Variants in PHF21A observed in about 807,000 individuals in gnomAD.
PHF21A encodes the protein BHC80a.
PHF21A carries 11 observed loss-of-function variants against 82.5 expected under a neutral mutation model. The observed-to-expected ratio is 0.13, with a 90% CI of 0.08 to 0.22. The LOEUF is 0.22. PHF21A is among the 10% of genes least tolerant of loss of function. The probability of loss-of-function intolerance (pLI) is 1.00; values close to 1 mark genes in which losing one functional copy is unlikely to be tolerated. For missense variants in PHF21A, 579 were observed against 837.8 expected (o/e 0.69, Z 3.81); for synonymous variants, 297 against 302.8 (o/e 0.98, Z 0.20).
chr11:45,949,412 A>C lies in PHF21A; in HGVS notation c.1217T>G (p.Phe406Cys), dbSNP rs1353310771. ...GCTGGCCAGTAATACCTCTGGCTCA[A>C]AGACTGCTCCACTGTAGACCGGATT... ...TANPVYSGAV[F>C]EPERKKSAVT... Residue 406 changes from phenylalanine to cysteine, a missense_variant, in exon 13 of 19, where the codon TTT (phenylalanine) becomes TGT (cysteine). Transcript: ENST00000676320. The C allele has an allele frequency of 7.4e-6, 12 of 1,614,070 alleles. No individual in the cohort carries two copies. Among genetic ancestry groups the C allele is most frequent in the Non-Finnish European group, 1.0e-5 (12 of 1,179,888 alleles).
chr11:45,935,151 C>T (rs1464614110), intron 18 of PHF21A: 9 of 1,289,464 alleles, frequency 7.0e-6, no homozygotes, highest in Non-Finnish European at 9.1e-6. Context: ...AAGCCCGCTT[C>T]CTCACACTGG....
chr11:46,094,886 G>A (rs982643481), intron 1 of PHF21A, among the ~76,000 whole-genome samples: 8 of 152,080 alleles, frequency 5.3e-5, no homozygotes, highest in African/African-American at 1.9e-4. Flanking sequence ...GCGACAGAGT[G>A]AGTCTCCGTC....
chr11:45,938,048 A>T, intron 16 of PHF21A, 109 bp downstream of exon 16: 1 of 928,956 alleles, frequency 1.1e-6, no homozygotes, highest in Non-Finnish European at 1.6e-6. Context: ...CAGCCCGGAG[A>T]CGGACTGGGA....
In PHF21A at chr11:45,971,890, C is replaced by CTTTCTT. The variant is rs57081937; in HGVS notation, c.361-524_361-523insAAGAAA. Among the ~76,000 whole-genome samples the CTTTCTT allele has an allele frequency of 1.7e-3, 85 of 50,276 alleles. 12 individuals are homozygous for CTTTCTT. In the East Asian group the frequency reaches 0.046, roughly 27 times the overall value. 33.0% of individuals were successfully genotyped at this position (50,276 alleles called of 152,430 possible). ...GTAAAAGGACAGTGTCTTTTTCTTT[C>CTTTCTT]TTTTTTTTTTTTTTTATGGTGTCAC... On this transcript the variant is annotated intron_variant, in intron 7 of 18. Coordinates refer to ENST00000676320, the MANE Select transcript of PHF21A (RefSeq NM_001352027.3).
At chr11:46,078,250 A>G (rs369258051) in intron 5 of PHF21A, among the ~76,000 whole-genome samples, 142 of 152,308 alleles carry the variant, frequency 9.3e-4, no homozygotes, top group African/African-American at 2.8e-3. Context: ...ATTTGTAGAG[A>G]TAAGTGTTAT....
At chr11:46,075,486 T>G (rs2096714570) in intron 6 of PHF21A, among the ~76,000 whole-genome samples, 1 of 152,184 alleles carries the variant, frequency 6.6e-6, no homozygotes, top group Non-Finnish European at 1.5e-5. Flanking sequence ...CTAACACACA[T>G]CATGTTGACT....
At chr11:46,109,248 A>G (rs2097184577) in intron 1 of PHF21A, among the ~76,000 whole-genome samples, 1 of 152,212 alleles carries the variant, frequency 6.6e-6, no homozygotes, top group Non-Finnish European at 1.5e-5. Context: ...CATTTGTAAA[A>G]TGGAGGTAGG....
intron 6 of PHF21A, among the ~76,000 whole-genome samples, chr11:46,034,257 T>C (rs948715774): frequency 6.8e-6 from 1 of 147,616 alleles, no homozygotes; most frequent in Non-Finnish European, 1.5e-5. Flanking sequence ...GGGAGGCTCA[T>C]ACTTTTCTTA....
At chr11:45,953,927 T>A (rs1031535766) in intron 10 of PHF21A, among the ~76,000 whole-genome samples, 2 of 152,150 alleles carry the variant, frequency 1.3e-5, no homozygotes, top group African/African-American at 4.8e-5. Context: ...ACGGTACAGG[T>A]TGTCCTTTCT....
intron 18 of PHF21A, chr11:45,934,789 C>A (rs909716318): frequency 2.9e-6 from 1 of 348,702 alleles, no homozygotes; most frequent in Non-Finnish European, 5.7e-6. Context: ...TCTGCTCAGC[C>A]GGGGACTTAG....
intron 1 of PHF21A, among the ~76,000 whole-genome samples, chr11:46,113,184 T>C (rs1250601383): frequency 6.6e-6 from 1 of 152,220 alleles, no homozygotes; most frequent in Non-Finnish European, 1.5e-5. Flanking sequence ...AAGCAAAAAC[T>C]GCAATGCATA....
intron 6 of PHF21A, among the ~76,000 whole-genome samples, chr11:46,025,346 A>G (rs1444975159): frequency 2.0e-5 from 3 of 152,216 alleles, no homozygotes; most frequent in Non-Finnish European, 4.4e-5. Context: ...TAGGAAAGTG[A>G]ACATTTTAGT....
intron 6 of PHF21A, among the ~76,000 whole-genome samples, chr11:45,992,020 A>G (rs2094720981): frequency 6.6e-6 from 1 of 152,238 alleles, no homozygotes; most frequent in Non-Finnish European, 1.5e-5. Flanking sequence ...AAGAGAATGA[A>G]GCAGGCCAGG....
intron 10 of PHF21A, among the ~76,000 whole-genome samples, chr11:45,962,658 A>G (rs12221890): frequency 0.87 from 107,468 of 123,776 alleles, 47,094 homozygotes; most frequent in East Asian, 0.99. Context: ...TTGGGAGGCC[A>G]AGGCAGGTGG....
At chr11:46,028,612 C>A (rs1370128806) in intron 6 of PHF21A, among the ~76,000 whole-genome samples, 1 of 134,462 alleles carries the variant, frequency 7.4e-6, no homozygotes, top group South Asian at 2.4e-4. Context: ...CTCGTTCTGT[C>A]GCCCAGGCTG....
rs192913067 is a variant in PHF21A, at chr11:46,045,354, C to T, written c.153+31400G>A. Among the ~76,000 whole-genome samples the T allele has an allele frequency of 2.6e-5, 4 of 152,288 alleles. No individual in the cohort carries two copies. The East Asian group carries it at 5.8e-4, about 22-fold the overall frequency. On this transcript the variant is annotated intron_variant, in intron 6 of 18. Coordinates refer to ENST00000676320, the MANE Select transcript of PHF21A (RefSeq NM_001352027.3). ...ACACAAAGGAGAGGCTGAAAATATA[C>T]TTCCTGGCTGATTAATTTCATATAA...
chr11:46,061,191 C>A (rs1463493593), intron 6 of PHF21A, among the ~76,000 whole-genome samples: 1 of 152,264 alleles, frequency 6.6e-6, no homozygotes, highest in East Asian at 1.9e-4. Flanking sequence ...CAGTACCATG[C>A]TGTTTTGGTC....
intron 1 of PHF21A, chr11:46,116,583 A>G (rs1269064566): frequency 6.6e-6 from 1 of 151,036 alleles, no homozygotes; most frequent in East Asian, 1.9e-4. Flanking sequence ...TTTTTAAATT[A>G]TGAGAAACTG....
intron 1 of PHF21A, among the ~76,000 whole-genome samples, chr11:46,108,771 G>A (rs947852954): frequency 1.3e-5 from 2 of 152,068 alleles, no homozygotes; most frequent in African/African-American, 4.8e-5. Flanking sequence ...TATAAGGACT[G>A]ACTGAAATAG....
Sources: gnomAD v4.1 joint callset for allele counts (sites outside exome capture counted in the v4.1 genomes callset) on GRCh38, gnomAD v4.1.1 for gene constraint, MANE v1.5 for transcripts, NCBI Gene and HGNC (gene_info 2026-07-23, HGNC 2026-07-21) for gene names.